Variants in SAFB2 observed in about 807,000 individuals in gnomAD.
SAFB2 encodes the protein scaffold attachment factor B2.
A neutral mutation model predicts 100.6 loss-of-function variants in SAFB2; 32 were observed. The observed-to-expected ratio is 0.32, with a 90% confidence interval of 0.24 to 0.43. The LOEUF is 0.43. Ranked by LOEUF, SAFB2 falls within the 20% of genes least tolerant of loss-of-function variation. SAFB2 has a pLI of 1.00. For synonymous variants in SAFB2, 500 were observed against 439.4 expected, an observed-to-expected ratio of 1.14 and a Z score of -1.72; for missense variants, 1,185 against 1,163.4, an observed-to-expected ratio of 1.02 and a Z score of -0.27.
chr19:5,621,530 G>A, intron 1 of SAFB2, 134 bp from the exon 2 acceptor site: 1 of 694,894 alleles, frequency 1.4e-6, no homozygotes, highest in Non-Finnish European at 2.6e-6. Flanking sequence ...AGCTATCTGG[G>A]CCGCAAGCCC....
intron 16 of SAFB2, among the ~76,000 whole-genome samples, chr19:5,592,164 T>C (rs1000526590): frequency 6.6e-6 from 1 of 152,066 alleles, no homozygotes; most frequent in Non-Finnish European, 1.5e-5. Flanking sequence ...GAGTGTGGCC[T>C]CTCAGCCTCC....
intron 9 of SAFB2, among the ~76,000 whole-genome samples, chr19:5,605,588 C>T (rs935562908): frequency 9.9e-5 from 15 of 152,182 alleles, no homozygotes; most frequent in African/African-American, 3.6e-4. Context: ...GAAATGCACC[C>T]ATCCACTCCA....
At position 5,616,185 on chromosome 19, in the gene SAFB2, C is replaced by T; in HGVS notation, c.490G>A (p.Glu164Lys). The T allele has an allele frequency of 6.2e-7, 1 of 1,614,228 alleles. No individual in the cohort carries two copies. The highest frequency in any genetic ancestry group is 1.3e-5 in the African/African-American group (1 of 75,060). The change falls in exon 4 of 21, where the codon GAA becomes AAA. Residue 164 changes from glutamate (E) to lysine (K), a missense_variant. Around this residue, in one of 3 missense-constraint regions of SAFB2, gnomAD observed 351 missense variants for 341.2 expected, o/e 1.03. Transcript: ENST00000252542. Reference sequence around the variant, plus strand: ...TGTCTCAGCTGTGCAGCCACGTATTCTTTACTATCACAAAAGGAATCGAGA... The same window carrying T: ...TGTCTCAGCTGTGCAGCCACGTATTTTTTACTATCACAAAAGGAATCGAGA... ...GLLDSFCDSK[E>K]YVAAQLRQLP... is the part of the protein sequence containing the mutation.
Position 5,590,340 on chromosome 19 carries a change from G to C in SAFB2, c.2463C>G (p.Gly821=). ...TCTTGTCGGAGCCGTAGCCCCCCCAGCCATCACGGGAGTCCCGGCCGTGGC... is the reference window on the plus strand; with the variant it reads ...TCTTGTCGGAGCCGTAGCCCCCCCACCCATCACGGGAGTCCCGGCCGTGGC... ...PERHGRDSRD[G]WGGYGSDKRL... Residue 821 remains glycine, a synonymous_variant, in exon 18 of 21, where the codon GGC becomes GGG. Coordinates refer to ENST00000252542, the MANE Select transcript of SAFB2 (RefSeq NM_014649.3). The C allele has an allele frequency of 6.2e-7, 1 of 1,610,626 alleles. No homozygotes were observed. The highest frequency in any genetic ancestry group is 8.5e-7 in the Non-Finnish European group (1 of 1,178,940).
intron 14 of SAFB2, 56 bp downstream of exon 14, chr19:5,595,305 G>A (rs1335764224): frequency 2.5e-6 from 4 of 1,578,116 alleles, no homozygotes; most frequent in Non-Finnish European, 3.4e-6. Flanking sequence ...GCTGGGAGAA[G>A]GACAGCCACC....
chr19:5,610,791 T>C, intron 7 of SAFB2, 103 bp from the exon 8 acceptor site: 1 of 880,830 alleles, frequency 1.1e-6, no homozygotes, highest in Non-Finnish European at 1.7e-6. Flanking sequence ...AGAAAATTAG[T>C]CTGAAATAAA....
intron 18 of SAFB2, among the ~76,000 whole-genome samples, chr19:5,589,869 G>C (rs897398511): frequency 3.9e-5 from 6 of 152,196 alleles, no homozygotes; most frequent in African/African-American, 1.2e-4. Flanking sequence ...AGACCAACTG[G>C]GGGTCAGAGA....
chr19:5,619,231 A>G (rs2053094051), intron 2 of SAFB2, among the ~76,000 whole-genome samples: 1 of 152,174 alleles, frequency 6.6e-6, no homozygotes, highest in Non-Finnish European at 1.5e-5. Context: ...TCTAGAGAAC[A>G]TCACCAGCTC....
At chr19:5,594,325 G>C (rs1195203304) in intron 14 of SAFB2, 147 bp from the exon 15 acceptor site, 2 of 943,944 alleles carry the variant, frequency 2.1e-6, no homozygotes, top group African/African-American at 1.7e-5. Flanking sequence ...CGCGTGCAGG[G>C]GGTTACCTTA....
At chr19:5,622,275 G>C (rs2053174974) in intron 1 of SAFB2, among the ~76,000 whole-genome samples, 1 of 152,248 alleles carries the variant, frequency 6.6e-6, no homozygotes, top group African/African-American at 2.4e-5. Context: ...GGGCCACCCT[G>C]GTAGCGGAGA....
chr19:5,597,576 G>A (rs763104767), intron 13 of SAFB2, among the ~76,000 whole-genome samples: 3 of 152,158 alleles, frequency 2.0e-5, no homozygotes, highest in Non-Finnish European at 4.4e-5. Flanking sequence ...AGGCACAGGG[G>A]ACGTGTGTGC....
intron 13 of SAFB2, among the ~76,000 whole-genome samples, chr19:5,596,802 C>T (rs2052544376): frequency 1.3e-5 from 2 of 152,172 alleles, no homozygotes; most frequent in African/African-American, 4.8e-5. Flanking sequence ...TGCTGATCCA[C>T]ACAGAATCTC....
chr19:5,610,814 A>T (rs1469704202), intron 7 of SAFB2, 126 bp from the exon 8 acceptor site: 3 of 767,192 alleles, frequency 3.9e-6, no homozygotes, highest in Non-Finnish European at 6.2e-6. Context: ...TTTAACAGAC[A>T]CCTCTGCAAG....
intron 9 of SAFB2, among the ~76,000 whole-genome samples, chr19:5,609,432 T>G (rs1041581943): frequency 6.6e-6 from 1 of 151,634 alleles, no homozygotes; most frequent in Non-Finnish European, 1.5e-5. Flanking sequence ...GCTTCCCGAG[T>G]AGCTGCGACT....
chr19:5,616,824 G>T (rs1443860120), intron 2 of SAFB2, among the ~76,000 whole-genome samples: 2 of 151,564 alleles, frequency 1.3e-5, no homozygotes, highest in Non-Finnish European at 2.9e-5. Flanking sequence ...GCTTATTTTT[G>T]TATTTTTAGT....
intron 2 of SAFB2, among the ~76,000 whole-genome samples, chr19:5,619,984 C>A (rs745729948): frequency 7.2e-5 from 11 of 152,084 alleles, no homozygotes; most frequent in Admixed American, 4.6e-4. Flanking sequence ...GTTTTCCCAA[C>A]CACTAAAAAA....
rs1298563743 is a variant in SAFB2 at position 5,587,121 on chromosome 19, T to C, written c.*122A>G. 1.5e-6 allele frequency: 2 copies of C among 1,295,316 alleles called. No homozygotes were observed. Among genetic ancestry groups the C allele is most frequent in the Non-Finnish European group, 2.1e-6 (2 of 934,518 alleles). 80.2% of individuals were successfully genotyped at this position (1,295,316 alleles called of 1,614,324 possible). The stretch of plus-strand genomic sequence containing the variant: ...AAAAAAAAGTGAGTTCACATTGTAT[T>C]GAGCTACAACATGGTGGCAGGATTT... On this transcript the variant is annotated 3_prime_UTR_variant, in exon 21 of 21. Transcript: ENST00000252542. The surrounding 1 kb of genome is among the most constrained non-coding windows in gnomAD (Gnocchi z 4.9).
At chr19:5,610,555 T>A in intron 8 of SAFB2, 84 bp downstream of exon 8, 1 of 979,704 alleles carries the variant, frequency 1.0e-6, no homozygotes, top group East Asian at 2.5e-5. Flanking sequence ...AATTACTGAA[T>A]CCAAAGTGTG....
chr19:5,613,671 G>C lies in SAFB2; in HGVS notation c.544-144C>G, dbSNP rs2052959446. The C allele has an allele frequency of 1.2e-5, 18 of 1,459,742 alleles. No individual in the cohort carries two copies. In the South Asian group the frequency reaches 2.6e-4, roughly 21 times the overall value. 90.4% of individuals were successfully genotyped at this position (1,459,742 alleles called of 1,614,324 possible). On this transcript the variant is annotated intron_variant, in intron 4 of 20. Coordinates refer to ENST00000252542, the MANE Select transcript of SAFB2 (RefSeq NM_014649.3). ...GTCTACTGTTGGGTCATTCAGTTCA[G>C]CACCTGCCTCTCCGCCAGAACACAC... is the stretch of plus-strand genomic sequence containing the variant.
Sources: allele counts gnomAD v4.1 joint callset (sites outside exome capture counted in the v4.1 genomes callset), GRCh38; gene constraint gnomAD v4.1.1; regional missense constraint gnomAD v4.1.1; non-coding constraint Gnocchi (gnomAD v3.1); transcripts MANE v1.5; gene names NCBI Gene and HGNC (gene_info 2026-07-23, HGNC 2026-07-21).